PDS5B: variants seen among roughly 807,000 people sequenced by gnomAD.
PDS5B encodes PDS5 cohesin associated factor B.
In PDS5B, 51 loss-of-function variants were observed where a neutral mutation model predicts 184.1. The ratio of observed to expected loss-of-function variants is 0.28; its 90% CI spans 0.22 to 0.35. The LOEUF (loss-of-function observed/expected upper bound fraction) is 0.35, where lower values mean the gene tolerates loss of function less well. Among genes scored for constraint, PDS5B ranks in the 10% least tolerant of loss-of-function variants. The pLI is 1.00. For missense variants in PDS5B, 1,180 were observed against 1,723.3 expected, an observed-to-expected ratio of 0.68 and a Z score of 5.58; for synonymous variants, 566 against 569.2, an observed-to-expected ratio of 0.99 and a Z score of 0.08.
chr13:32,730,757 T>G (rs940829707), intron 19 of PDS5B, among the ~76,000 whole-genome samples: 1 of 152,208 alleles, frequency 6.6e-6, no homozygotes, highest in Non-Finnish European at 1.5e-5. Context: ...TGTCTTTTAT[T>G]GGTGTATAGG....
chr13:32,734,013 C>CACACACACACACACACACACACAA (rs1430095241), intron 20 of PDS5B, among the ~76,000 whole-genome samples: 2 of 151,226 alleles, frequency 1.3e-5, no homozygotes, highest in African/African-American at 4.9e-5. Flanking sequence ...CACACACACA[C>CACACACACACACACACACACACAA]AAACATATAT....
intron 11 of PDS5B, among the ~76,000 whole-genome samples, chr13:32,684,230 G>A (rs1951325152): frequency 6.6e-6 from 1 of 151,966 alleles, no homozygotes; most frequent in South Asian, 2.1e-4. Context: ...AAAGATATTT[G>A]TTCTAATCCT....
intron 33 of PDS5B, 108 bp from the exon 34 acceptor site, chr13:32,773,081 T>G: frequency 2.3e-6 from 2 of 853,664 alleles, no homozygotes; most frequent in Non-Finnish European, 3.6e-6. Flanking sequence ...ATAAAGTAAC[T>G]GAGGGTAAAG....
chr13:32,674,748 A>T (rs1951022157), intron 8 of PDS5B, among the ~76,000 whole-genome samples: 1 of 152,066 alleles, frequency 6.6e-6, no homozygotes, highest in Non-Finnish European at 1.5e-5. Context: ...ATATAGAGGT[A>T]GGAAGGTTCC....
chr13:32,755,194 C>T (rs967034401), intron 25 of PDS5B, among the ~76,000 whole-genome samples: 2 of 152,108 alleles, frequency 1.3e-5, no homozygotes, highest in African/African-American at 4.8e-5. Flanking sequence ...GAATATGAGT[C>T]CCAGTCTATG....
At chr13:32,733,985 A>AACACCCAC (rs1555312859) in intron 20 of PDS5B, among the ~76,000 whole-genome samples, 1 of 141,972 alleles carries the variant, frequency 7.0e-6, no homozygotes, top group African/African-American at 2.8e-5. Context: ...CAAAAATTAA[A>AACACCCAC]ACACACACAC....
chr13:32,748,278 T>C (rs9591303), intron 24 of PDS5B, among the ~76,000 whole-genome samples: 58,986 of 151,950 alleles, frequency 0.39, 11,954 homozygotes, highest in Non-Finnish European at 0.45. Flanking sequence ...GTCTTCTCTG[T>C]TCATATTTTG....
intron 1 of PDS5B, among the ~76,000 whole-genome samples, chr13:32,630,553 G>A (rs140634725): frequency 3.6e-4 from 55 of 152,282 alleles, no homozygotes; most frequent in African/African-American, 1.2e-3. Context: ...AGGAAGTGAT[G>A]AATGGGATTT....
At chr13:32,763,004 A>G (rs570223847) in intron 30 of PDS5B, among the ~76,000 whole-genome samples, 3 of 152,278 alleles carry the variant, frequency 2.0e-5, no homozygotes, top group East Asian at 1.9e-4. Context: ...CTTTTTCAAT[A>G]TAGTTTTCTT....
intron 26 of PDS5B, 33 bp downstream of exon 26, chr13:32,755,989 C>G (rs773856309): frequency 9.5e-7 from 1 of 1,058,106 alleles, no homozygotes; most frequent in East Asian, 2.4e-5. Flanking sequence ...TTCATATTTT[C>G]TGAAAGTTAT....
chr13:32,739,776 G>GT (rs34551062), intron 21 of PDS5B, among the ~76,000 whole-genome samples: 35,356 of 151,880 alleles, frequency 0.23, 4,419 homozygotes, highest in South Asian at 0.38. Flanking sequence ...ATTTGGTGTT[G>GT]TAAGATAAAA....
At chr13:32,703,875 T>C (rs961018489) in intron 17 of PDS5B, among the ~76,000 whole-genome samples, 3 of 152,016 alleles carry the variant, frequency 2.0e-5, no homozygotes, top group Admixed American at 1.3e-4. Context: ...TTTTTTTTCA[T>C]TTATGTCTTG....
intron 6 of PDS5B, among the ~76,000 whole-genome samples, chr13:32,663,313 G>C (rs1226960950): frequency 6.7e-6 from 1 of 150,142 alleles, no homozygotes; most frequent in Admixed American, 6.6e-5. Context: ...AGGGAAACCA[G>C]GTGCAAACCA....
chr13:32,679,020 G>A, intron 10 of PDS5B, 91 bp downstream of exon 10: 1 of 630,584 alleles, frequency 1.6e-6, no homozygotes, highest in Non-Finnish European at 2.8e-6. Context: ...CCTTTTTTCG[G>A]GGGTGGTAGG....
intron 1 of PDS5B, among the ~76,000 whole-genome samples, chr13:32,615,633 A>G (rs2058207151): frequency 1.3e-5 from 2 of 152,200 alleles, no homozygotes; most frequent in South Asian, 4.1e-4. Context: ...TCTAGTCATC[A>G]TGGTGTAATG....
At chr13:32,679,519 C>T (rs961554388) in intron 10 of PDS5B, among the ~76,000 whole-genome samples, 3 of 151,974 alleles carry the variant, frequency 2.0e-5, no homozygotes, top group African/African-American at 7.3e-5. Context: ...GCCTATAATC[C>T]CAGCTACTCA....
chr13:32,741,047 CCTGG>C (rs1953526515), intron 21 of PDS5B, 29 bp from the exon 22 acceptor site: 2 of 736,944 alleles, frequency 2.7e-6, no homozygotes, highest in South Asian at 1.6e-5. Context: ...TTTTAAAGTC[CCTGG>C]TTTTTTTTTT....
rs543330148 is a variant in PDS5B, at chr13:32,720,362, A to G, written c.2123+10256A>G. Reference sequence around the variant, plus strand: ...GGTTGGTAACGTGGTAATATATGCAAACTTAAAATGTGTATAGTTTTTGGC... The same window carrying G: ...GGTTGGTAACGTGGTAATATATGCAGACTTAAAATGTGTATAGTTTTTGGC... On this transcript the variant is annotated intron_variant, in intron 19 of 34. Coordinates refer to ENST00000315596, the MANE Select transcript of PDS5B (RefSeq NM_015032.4). Among the ~76,000 whole-genome samples, 5 of 152,318 alleles carry G rather than the reference A, an allele frequency of 3.3e-5. No homozygotes were observed. The East Asian group carries it at 7.7e-4, about 24-fold the overall frequency.
chr13:32,714,995 G>A (rs1373773958), intron 19 of PDS5B, among the ~76,000 whole-genome samples: 1 of 152,184 alleles, frequency 6.6e-6, no homozygotes, highest in East Asian at 1.9e-4. Flanking sequence ...ACAGGCATAA[G>A]AAATTACAAG....
Sources: gnomAD v4.1 joint callset for allele counts (sites outside exome capture counted in the v4.1 genomes callset) on GRCh38, gnomAD v4.1.1 for gene constraint, MANE v1.5 for transcripts, NCBI Gene and HGNC (gene_info 2026-07-23, HGNC 2026-07-21) for gene names.